Variants in RBFOX1 observed in about 807,000 individuals in gnomAD.
RBFOX1 encodes RNA binding protein fox-1 homolog 1.
A neutral mutation model predicts 57.7 loss-of-function variants in RBFOX1; 8 were observed. The ratio of observed to expected loss-of-function variants is 0.14; its 90% confidence interval spans 0.08 to 0.25. The LOEUF is 0.25. Among genes scored for constraint, RBFOX1 ranks in the 10% least tolerant of loss-of-function variants. The pLI is 1.00. For synonymous variants in RBFOX1, 326 were observed against 222.4 expected (o/e 1.47, Z -4.15); for missense variants, 611 against 548.5 (o/e 1.11, Z -1.14).
At chr16:5,386,989 T>C (rs1047088723) in intron 1 of RBFOX1, among the ~76,000 whole-genome samples, 4 of 152,194 alleles carry the variant, frequency 2.6e-5, no homozygotes, top group African/African-American at 9.7e-5. Flanking sequence ...AGGCGGAGGT[T>C]GCAGTGAGCC....
At chr16:7,491,209 G>A (rs2066862029) in intron 4 of RBFOX1, among the ~76,000 whole-genome samples, 1 of 151,908 alleles carries the variant, frequency 6.6e-6, no homozygotes, top group Non-Finnish European at 1.5e-5. Context: ...TTGCTTTCCG[G>A]GCATTGCCAC....
intron 5 of RBFOX1, among the ~76,000 whole-genome samples, chr16:7,579,194 A>T (rs1228261865): frequency 2.0e-5 from 3 of 152,216 alleles, no homozygotes; most frequent in African/African-American, 7.2e-5. Context: ...GTACAATTAG[A>T]ACCTCAAAAG....
intron 1 of RBFOX1, among the ~76,000 whole-genome samples, chr16:5,329,502 C>G (rs148305411): frequency 1.3e-5 from 2 of 152,178 alleles, no homozygotes; most frequent in Admixed American, 6.5e-5. Flanking sequence ...ACCTCCAACA[C>G]TGGGGATTAC....
chr16:7,205,127 C>G (rs942187420), intron 4 of RBFOX1, among the ~76,000 whole-genome samples: 1 of 152,080 alleles, frequency 6.6e-6, no homozygotes, highest in Non-Finnish European at 1.5e-5. Context: ...CACCTCCCTT[C>G]ACTGATAGTA....
chr16:6,501,088 G>C (rs42188), intron 2 of RBFOX1, among the ~76,000 whole-genome samples: 108,380 of 148,598 alleles, frequency 0.73, 40,326 homozygotes, highest in Non-Finnish European at 0.79. Flanking sequence ...GATGAGTTCA[G>C]AGGTCTTTCT....
chr16:7,040,354 C>T (rs747056957), intron 3 of RBFOX1, among the ~76,000 whole-genome samples: 3 of 152,132 alleles, frequency 2.0e-5, no homozygotes, highest in Non-Finnish European at 4.4e-5. Flanking sequence ...CACATACTTA[C>T]TATGTGCCAG....
chr16:7,263,356 A>T (rs932139010), intron 4 of RBFOX1, among the ~76,000 whole-genome samples: 7 of 152,074 alleles, frequency 4.6e-5, no homozygotes, highest in Non-Finnish European at 1.0e-4. Flanking sequence ...CAGAATTTCG[A>T]TGTTCTCAGG....
intron 2 of RBFOX1, among the ~76,000 whole-genome samples, chr16:6,498,106 G>C (rs1343819366): frequency 6.6e-6 from 1 of 151,868 alleles, no homozygotes; most frequent in African/African-American, 2.4e-5. Context: ...ATAAAAAATA[G>C]CCGGGCATGG....
intron 5 of RBFOX1, among the ~76,000 whole-genome samples, chr16:7,531,316 C>T (rs4787041): frequency 0.94 from 143,701 of 152,170 alleles, 68,148 homozygotes; most frequent in Non-Finnish European, 0.99. Flanking sequence ...TTATGGATAA[C>T]GTATGGTAAT....
chr16:6,157,393 A>T (rs1371481831), intron 1 of RBFOX1, among the ~76,000 whole-genome samples: 1 of 152,144 alleles, frequency 6.6e-6, no homozygotes, highest in East Asian at 1.9e-4. Context: ...ATTTTTCCTT[A>T]GTATCAGTAT....
intron 13 of RBFOX1, among the ~76,000 whole-genome samples, chr16:7,665,347 G>T (rs1400428407): frequency 1.3e-5 from 2 of 152,056 alleles, no homozygotes; most frequent in African/African-American, 2.4e-5. Context: ...AGCTGCAGAG[G>T]GTTAAAAGAT....
chr16:5,589,975 A>G (rs918613724), intron 2 of RBFOX1, among the ~76,000 whole-genome samples: 1 of 152,090 alleles, frequency 6.6e-6, no homozygotes, highest in African/African-American at 2.4e-5. Context: ...GACTGACGTG[A>G]GACTGGGTTT....
chr16:7,278,062 G>T (rs1472460960), intron 4 of RBFOX1, among the ~76,000 whole-genome samples: 1 of 152,140 alleles, frequency 6.6e-6, no homozygotes, highest in Non-Finnish European at 1.5e-5. Context: ...CTATCATTCA[G>T]TTGATTCCGT....
chr16:6,457,274 C>T (rs1356089319), intron 2 of RBFOX1, among the ~76,000 whole-genome samples: 2 of 152,076 alleles, frequency 1.3e-5, no homozygotes, highest in Non-Finnish European at 2.9e-5. Context: ...AGGAAAACTA[C>T]GTATTACAGA....
At chr16:5,343,551 GTCC>G (rs993493881) in intron 1 of RBFOX1, among the ~76,000 whole-genome samples, 52 of 151,304 alleles carry the variant, frequency 3.4e-4, no homozygotes, top group African/African-American at 1.3e-3. Flanking sequence ...TTGATATCCT[GTCC>G]TCGTGATCTA....
intron 4 of RBFOX1, among the ~76,000 whole-genome samples, chr16:7,512,324 A>G (rs1263385765): frequency 6.6e-6 from 1 of 152,232 alleles, no homozygotes; most frequent in Non-Finnish European, 1.5e-5. Flanking sequence ...TCCAGAAAAT[A>G]CATTTCAGCC....
At chr16:5,302,428 A>T (rs1290413975) in intron 1 of RBFOX1, among the ~76,000 whole-genome samples, 1 of 152,228 alleles carries the variant, frequency 6.6e-6, no homozygotes, top group Non-Finnish European at 1.5e-5. Flanking sequence ...TGGGTCTGTC[A>T]TACTATAAAT....
chr16:6,890,527 C>T (rs931732377), intron 3 of RBFOX1, among the ~76,000 whole-genome samples: 4 of 152,058 alleles, frequency 2.6e-5, no homozygotes, highest in Admixed American at 2.0e-4. Context: ...TCAAAACAAA[C>T]AAACAAAACC....
chr16:7,509,506 C>G (rs548225945), intron 4 of RBFOX1, among the ~76,000 whole-genome samples: 8 of 151,612 alleles, frequency 5.3e-5, no homozygotes, highest in African/African-American at 1.5e-4. Flanking sequence ...GGTGAAGCTA[C>G]TCATCATTGG....
Sources: allele counts gnomAD v4.1 joint callset (sites outside exome capture counted in the v4.1 genomes callset), GRCh38; gene constraint gnomAD v4.1.1; transcripts MANE v1.5; gene names NCBI Gene and HGNC (gene_info 2026-07-23, HGNC 2026-07-21).